The following CORO1C variants were observed in gnomAD, a reference collection of about 807,000 sequenced individuals.
The protein encoded by CORO1C is coronin 1C, also known as coronin-1C.
Under a neutral mutation model 51.2 loss-of-function variants are expected in CORO1C, and 14 were observed. The ratio of observed to expected loss-of-function variants is 0.27; its 90% CI spans 0.18 to 0.43. The LOEUF is 0.43. Ranked by LOEUF, CORO1C falls within the 20% of genes least tolerant of loss-of-function variation. CORO1C has a pLI of 1.00. For synonymous variants in CORO1C, 181 were observed against 210.5 expected (o/e 0.86, Z 1.21); for missense variants, 417 against 607.8 (o/e 0.69, Z 3.30).
chr12:108,653,233 A>T (rs2032763202), intron 7 of CORO1C, among the ~76,000 whole-genome samples: 1 of 152,246 alleles, frequency 6.6e-6, no homozygotes, highest in African/African-American at 2.4e-5. Flanking sequence ...CTGCATGCCC[A>T]AAAGAATTTT....
chr12:108,670,936 C>G (rs1348544912), intron 3 of CORO1C, among the ~76,000 whole-genome samples: 3 of 150,130 alleles, frequency 2.0e-5, no homozygotes. Context: ...CAAGAAAGAA[C>G]ACAAGAGCAA....
intron 2 of CORO1C, among the ~76,000 whole-genome samples, chr12:108,691,350 G>A (rs1313737363): frequency 1.3e-5 from 2 of 152,168 alleles, no homozygotes; most frequent in African/African-American, 2.4e-5. Context: ...TGGTTATAAG[G>A]TGGCTTCTGG....
At chr12:108,675,241 A>C (rs573187633) in intron 3 of CORO1C, among the ~76,000 whole-genome samples, 12 of 152,356 alleles carry the variant, frequency 7.9e-5, no homozygotes, top group African/African-American at 2.9e-4. Flanking sequence ...CCTTAAAATA[A>C]ACCAGGACTT....
At chr12:108,675,493 GA>G (rs373842865) in intron 3 of CORO1C, among the ~76,000 whole-genome samples, 33 of 150,202 alleles carry the variant, frequency 2.2e-4, no homozygotes, top group African/African-American at 7.1e-4. Context: ...AAGGAACGGG[GA>G]AAAAAAAACC....
chr12:108,672,662 T>G (rs192430514), intron 3 of CORO1C, among the ~76,000 whole-genome samples: 120 of 152,264 alleles, frequency 7.9e-4, no homozygotes, highest in African/African-American at 2.0e-3. Context: ...GTTTTGTTTT[T>G]TTTTTTAAAC....
At chr12:108,684,771 T>C (rs1377341153) in intron 2 of CORO1C, among the ~76,000 whole-genome samples, 3 of 152,086 alleles carry the variant, frequency 2.0e-5, no homozygotes, top group Non-Finnish European at 2.9e-5. Context: ...TGTGAGTACA[T>C]GTGTGTCCTA....
chr12:108,656,015 G>A (rs1160758872), intron 6 of CORO1C, among the ~76,000 whole-genome samples: 5 of 149,598 alleles, frequency 3.3e-5, no homozygotes, highest in South Asian at 2.1e-4. Flanking sequence ...TGTGAGGAGC[G>A]CCTCTGCCCG....
intron 2 of CORO1C, among the ~76,000 whole-genome samples, chr12:108,696,735 A>G (rs1286796073): frequency 6.6e-6 from 1 of 152,264 alleles, no homozygotes; most frequent in Non-Finnish European, 1.5e-5. Context: ...TAAATGCACT[A>G]AGCCACACCT....
chr12:108,648,886 A>G, intron 9 of CORO1C, 36 bp from the exon 10 acceptor site: 1 of 1,613,264 alleles, frequency 6.2e-7, no homozygotes, highest in Non-Finnish European at 8.5e-7. Flanking sequence ...GGTAAGGAAG[A>G]AGAAAGGCCT....
At chr12:108,688,213 G>A (rs954483125) in intron 2 of CORO1C, among the ~76,000 whole-genome samples, 1 of 152,004 alleles carries the variant, frequency 6.6e-6, no homozygotes, top group Non-Finnish European at 1.5e-5. Context: ...GCCCAGCCCA[G>A]TATATCTTAT....
At chr12:108,664,383 C>T (rs2136816372) in intron 3 of CORO1C, among the ~76,000 whole-genome samples, 1 of 152,304 alleles carries the variant, frequency 6.6e-6, no homozygotes, top group East Asian at 1.9e-4. Flanking sequence ...CTCAGTTCTA[C>T]TGTCCTGCAA....
chr12:108,687,553 G>A (rs1321134894), intron 2 of CORO1C, among the ~76,000 whole-genome samples: 9 of 152,088 alleles, frequency 5.9e-5, no homozygotes, highest in Non-Finnish European at 1.2e-4. Context: ...GGGAGGCTGA[G>A]GCGGGCGGAT....
chr12:108,729,533 G>A (rs1407877752), intron 1 of CORO1C, among the ~76,000 whole-genome samples: 4 of 152,112 alleles, frequency 2.6e-5, no homozygotes, highest in Non-Finnish European at 1.5e-5. Context: ...CAGTACACAC[G>A]ACTAACCTCC....
Position 108,726,327 on chromosome 12 carries a change from G to A in CORO1C, c.-6+5102C>T, listed in dbSNP as rs1413709884. Among the ~76,000 whole-genome samples the A allele has an allele frequency of 2.0e-5, 3 of 151,342 alleles. No individual in the cohort carries two copies. The South Asian group carries it at 6.3e-4, about 32-fold the overall frequency. ...CCAGCTACTTGGGAGGCTGAGGCGG[G>A]AGAACGGCGTGAACCTGGGAGGCAG... On this transcript the variant is annotated intron_variant, in intron 1 of 10. Transcript: ENST00000261401.
At chr12:108,710,666 C>T (rs2035154570) in intron 1 of CORO1C, among the ~76,000 whole-genome samples, 1 of 151,610 alleles carries the variant, frequency 6.6e-6, no homozygotes, top group Non-Finnish European at 1.5e-5. Context: ...CCAGGTTCAA[C>T]GATTCTCCTG....
chr12:108,669,555 G>A (rs2033630702), intron 3 of CORO1C, among the ~76,000 whole-genome samples: 1 of 151,620 alleles, frequency 6.6e-6, no homozygotes, highest in South Asian at 2.1e-4. Flanking sequence ...CCTACTCCCA[G>A]GATCTCCTTG....
chr12:108,657,445 GC>G (rs2033075990), intron 5 of CORO1C, 22 bp from the exon 6 acceptor site: 2 of 1,609,260 alleles, frequency 1.2e-6, no homozygotes, highest in Non-Finnish European at 1.7e-6. Context: ...AAAGGCACAT[GC>G]CACACATTAA....
At chr12:108,695,631 G>A (rs960524410) in intron 2 of CORO1C, among the ~76,000 whole-genome samples, 6 of 152,064 alleles carry the variant, frequency 3.9e-5, no homozygotes, top group Non-Finnish European at 7.4e-5. Context: ...TAATGAACAG[G>A]AAGAAAAGAC....
chr12:108,678,543 C>T (rs1297199221), intron 2 of CORO1C, 149 bp from the exon 3 acceptor site: 1 of 598,254 alleles, frequency 1.7e-6, no homozygotes, highest in Non-Finnish European at 2.6e-6. Context: ...ACTTTCACTT[C>T]TAGAAAAAGC....
Sources: gnomAD v4.1 joint callset for allele counts (sites outside exome capture counted in the v4.1 genomes callset) on GRCh38, gnomAD v4.1.1 for gene constraint, MANE v1.5 for transcripts, NCBI Gene and HGNC (gene_info 2026-07-23, HGNC 2026-07-21) for gene names.